APC2: variants seen among roughly 807,000 people sequenced by gnomAD.
The protein encoded by APC2 is adenomatous polyposis coli protein 2.
In APC2, 41 loss-of-function variants were observed where a neutral mutation model predicts 72.5. The ratio of observed to expected loss-of-function variants is 0.57; its 90% CI spans 0.44 to 0.73. The LOEUF (loss-of-function observed/expected upper bound fraction) is 0.73. Ranked by LOEUF, APC2 falls within the 30% of genes least tolerant of loss-of-function variation. APC2 has a pLI of 0.00. For synonymous variants in APC2, 1,898 were observed against 1,612.0 expected (o/e 1.18, Z -4.25); for missense variants, 3,729 against 3,403.4 (o/e 1.10, Z -2.38).
intron 10 of APC2, among the ~76,000 whole-genome samples, chr19:1,459,191 CTGTT>C (rs1350623235): frequency 2.2e-4 from 33 of 152,284 alleles, no homozygotes; most frequent in South Asian, 1.9e-3. Context: ...ACGCCATAGT[CTGTT>C]TGTTTCAGAG....
At chr19:1,455,737 C>A (rs1599135828) in intron 6 of APC2, among the ~76,000 whole-genome samples, 1 of 151,540 alleles carries the variant, frequency 6.6e-6, no homozygotes. Context: ...TGGAAGGTGG[C>A]ATGGCCTGTG....
At position 1,465,284 on chromosome 19, in the gene APC2, G is replaced by A; in HGVS notation, c.1983G>A (p.Glu661=). 1.9e-6 allele frequency: 3 copies of A among 1,604,358 alleles called. No individual in the cohort carries two copies. Among genetic ancestry groups the A allele is most frequent in the Non-Finnish European group, 2.5e-6 (3 of 1,178,610 alleles). The change falls in exon 15 of 15, where the codon GAG becomes GAA. Residue 661 remains glutamate (E), a synonymous_variant. Coordinates refer to ENST00000590469, the MANE Select transcript of APC2 (RefSeq NM_005883.3). The stretch of plus-strand genomic sequence containing the variant: ...CGGCCCGCAGCGCCCGTGACCAGGA[G>A]CTGCTGTGGGACCTGGGCGCCGTGG... ...NLSARSARDQ[E]LLWDLGAVGM...
Position 1,469,201 on chromosome 19 carries a change from G to A in APC2, c.5900G>A (p.Gly1967Glu), listed in dbSNP as rs2084085890. The A allele has an allele frequency of 5.3e-6, 7 of 1,312,882 alleles. No homozygotes were observed. The highest frequency in any genetic ancestry group is 6.8e-6 in the Non-Finnish European group (7 of 1,029,460). 81.3% of individuals were successfully genotyped at this position (1,312,882 alleles called of 1,614,324 possible). A position where few individuals can be genotyped will look rare whatever the true frequency, so the allele number is the denominator to read the frequency against. ...AGTEAGPGAR[G>E]GRLGLVRVAS... ...ACCGAGGCGGGCCCGGGGGCGCGCG[G>A]GGGCCGCCTGGGCCTGGTGCGTGTG... is the stretch of plus-strand genomic sequence containing the variant. Residue 1967 changes from glycine to glutamate, a missense_variant, in exon 15 of 15, where the codon GGG (glycine) becomes GAG (glutamate). Gly to Glu is a moderately conservative substitution (Grantham distance 98). Transcript: ENST00000590469.
chr19:1,452,606 G>A lies in APC2; in HGVS notation c.-18-378G>A. On this transcript the variant is annotated intron_variant, in intron 1 of 14. Transcript: ENST00000590469. This position sits in a 1 kb window ranked among gnomAD's most constrained non-coding sequence, Gnocchi z 5.1. ...GGGTGCTGGGCTGGCCAGTCGGCTTGCTGGGTTAGGCTGTCCCAGCTGTCT... is the reference window on the plus strand; with the variant it reads ...GGGTGCTGGGCTGGCCAGTCGGCTTACTGGGTTAGGCTGTCCCAGCTGTCT... 1 of 194,268 alleles carries A rather than the reference G, an allele frequency of 5.1e-6. No individual in the cohort carries two copies. Among genetic ancestry groups the A allele is most frequent in the Non-Finnish European group, 1.1e-5 (1 of 93,492 alleles). 12.0% of individuals were successfully genotyped at this position (194,268 alleles called of 1,614,324 possible).
Position 1,456,983 on chromosome 19 carries a change from T to C in APC2, c.947T>C (p.Leu316Pro). The part of the protein sequence containing the change: ...VAMRRSGCLP[L>P]LLQILHGTEA... Reference sequence around the variant, plus strand: ...ATGCGCCGCTCGGGCTGTCTGCCTCTGCTGCTGCAAATCCTCCACGGCACC... The same window carrying C: ...ATGCGCCGCTCGGGCTGTCTGCCTCCGCTGCTGCAAATCCTCCACGGCACC... The change falls in exon 9 of 15, where the codon CTG becomes CCG. Residue 316 changes from leucine to proline, a missense_variant. Leu to Pro is a moderately conservative substitution (Grantham distance 98). Coordinates refer to ENST00000590469, the MANE Select transcript of APC2 (RefSeq NM_005883.3). The C allele has an allele frequency of 1.3e-6, 2 of 1,536,802 alleles. No individual in the cohort carries two copies. The highest frequency in any genetic ancestry group is 1.7e-6 in the Non-Finnish European group (2 of 1,147,438).
At chr19:1,457,552 G>T (rs3892855) in intron 9 of APC2, 265,216 of 515,610 alleles carry the variant, frequency 0.51, 71,394 homozygotes, top group East Asian at 0.74. Flanking sequence ...TAATATGGGG[G>T]CCGGGCGCTG....
At chr19:1,446,589 G>C (rs372718353), upstream of APC2, among the ~76,000 whole-genome samples, 6 of 152,166 alleles carry the variant, frequency 3.9e-5, 1 homozygote, top group South Asian at 1.2e-3. This position sits in a 1 kb window ranked among gnomAD's most constrained non-coding sequence, Gnocchi z 6.1. Flanking sequence ...CTGCGCAAGC[G>C]CAGGGCTCGC....
chr19:1,450,949 CTAAG>C (rs1353557538), intron 1 of APC2, among the ~76,000 whole-genome samples: 1 of 152,200 alleles, frequency 6.6e-6, no homozygotes, highest in Admixed American at 6.5e-5. Flanking sequence ...CCTCCAGCCT[CTAAG>C]TGAGTCGCGG....
intron 4 of APC2, among the ~76,000 whole-genome samples, chr19:1,454,573 T>C (rs1444232322): frequency 6.8e-6 from 1 of 146,986 alleles, no homozygotes; most frequent in Non-Finnish European, 1.5e-5. Flanking sequence ...CTTTTTTTTT[T>C]TTTTTTTTGA....
In APC2 at chr19:1,452,615, G is replaced by A. The variant is rs1599130257; in HGVS notation, c.-18-369G>A. The A allele has an allele frequency of 4.8e-6, 1 of 210,012 alleles. No homozygotes were observed. The highest frequency in any genetic ancestry group is 1.3e-4 in the East Asian group (1 of 7,886). 13.0% of individuals were successfully genotyped at this position (210,012 alleles called of 1,614,324 possible). ...GCTGGCCAGTCGGCTTGCTGGGTTA[G>A]GCTGTCCCAGCTGTCTGTGTGTTTG... On this transcript the variant is annotated intron_variant, in intron 1 of 14. Transcript: ENST00000590469. The surrounding 1 kb of genome is among the most constrained non-coding windows in gnomAD (Gnocchi z 5.1).
In APC2 at chr19:1,466,964, G is replaced by A. The variant is rs1167011599; in HGVS notation, c.3663G>A (p.Gln1221=). 2 of 1,605,530 alleles carry A rather than the reference G, an allele frequency of 1.2e-6. No homozygotes were observed. The highest frequency in any genetic ancestry group is 1.7e-6 in the Non-Finnish European group (2 of 1,176,516). The change falls in exon 15 of 15, where the codon CAG becomes CAA. Residue 1221 remains glutamine (Q), a synonymous_variant. Coordinates refer to ENST00000590469, the MANE Select transcript of APC2 (RefSeq NM_005883.3). ...CGCCACCGCTGGCGCCCGCGCCACA[G>A]GGTCCCCCCGAGGCCACCCAGTTCA... ...SKTPPLAPAP[Q]GPPEATQFSL... is the part of the protein sequence containing the mutation.
chr19:1,454,995 C>A (rs991582759), intron 4 of APC2, among the ~76,000 whole-genome samples, 154 bp from the exon 5 acceptor site: 3 of 145,558 alleles, frequency 2.1e-5, no homozygotes, highest in Non-Finnish European at 4.6e-5. Context: ...CACCCCCCCC[C>A]CCTTACCCTA....
chr19:1,456,661 C>T (rs569119310), intron 8 of APC2, among the ~76,000 whole-genome samples, 192 bp from the exon 9 acceptor site: 50 of 152,116 alleles, frequency 3.3e-4, no homozygotes, highest in Middle Eastern at 3.4e-3. Flanking sequence ...CGCGGCCACC[C>T]TAGGAATGCC....
rs1220035701 is a variant in APC2 at position 1,468,308 on chromosome 19, C to T, written c.5007C>T (p.Gly1669=). The change falls in exon 15 of 15, where the codon GGC becomes GGT. Residue 1669 remains glycine, a synonymous_variant. Coordinates refer to ENST00000590469, the MANE Select transcript of APC2 (RefSeq NM_005883.3). ...ERPAEGSRER[G]EEAAGSDRAS... is the part of the protein sequence containing the mutation. ...CCGCAGAGGGGTCCCGGGAACGCGG[C>T]GAGGAGGCAGCGGGCTCGGACCGGG... 6.5e-7 allele frequency: 1 copy of T among 1,545,796 alleles called. No homozygotes were observed. The highest frequency in any genetic ancestry group is 8.7e-7 in the Non-Finnish European group (1 of 1,146,406).
rs773151315 is a variant in APC2, at chr19:1,456,934, A to G, written c.898A>G (p.Ser300Gly). The change falls in exon 9 of 15, where the codon AGC becomes GGC. Residue 300 changes from serine to glycine, a missense_variant. By Grantham distance (56) the Ser-to-Gly change is moderately conservative. Transcript: ENST00000590469. ...AGCGCGCACGCTGCTGGCCATGTCC[A>G]GCTCGCCCGAGAGCTGCGTGGCCAT... is the stretch of plus-strand genomic sequence containing the variant. ...DTARTLLAMS[S>G]SPESCVAMRR... 3.8e-6 allele frequency: 6 copies of G among 1,558,628 alleles called. No homozygotes were observed. In the Admixed American group the frequency reaches 5.6e-5, roughly 14 times the overall value.
At chr19:1,460,503 C>T (rs1368550301) in intron 11 of APC2, among the ~76,000 whole-genome samples, 183 bp downstream of exon 11, 2 of 152,246 alleles carry the variant, frequency 1.3e-5, no homozygotes, top group Non-Finnish European at 1.5e-5. Context: ...GCGTGCTGAA[C>T]CTCCCCACCT....
At chr19:1,462,896 G>A (rs1369437867) in intron 14 of APC2, among the ~76,000 whole-genome samples, 4 of 149,710 alleles carry the variant, frequency 2.7e-5, no homozygotes, top group Non-Finnish European at 5.9e-5. Flanking sequence ...GCATGAACCC[G>A]GGAGGCGGAG....
chr19:1,459,638 G>A (rs889375213), intron 10 of APC2, among the ~76,000 whole-genome samples: 2 of 152,242 alleles, frequency 1.3e-5, no homozygotes, highest in Non-Finnish European at 2.9e-5. Flanking sequence ...TGAAGAGGGA[G>A]AAAAGTGTTT....
chr19:1,456,765 C>A, intron 8 of APC2, 88 bp from the exon 9 acceptor site: 1 of 1,454,080 alleles, frequency 6.9e-7, no homozygotes, highest in East Asian at 2.5e-5. Flanking sequence ...CCCTTGGGGA[C>A]GGGGCAGGGG....
Sources: gnomAD v4.1 joint callset for allele counts (sites outside exome capture counted in the v4.1 genomes callset) on GRCh38, gnomAD v4.1.1 for gene constraint, Gnocchi (gnomAD v3.1) non-coding constraint, MANE v1.5 for transcripts, NCBI Gene and HGNC (gene_info 2026-07-23, HGNC 2026-07-21) for gene names.